Variants in BRCA1 observed in about 807,000 individuals in gnomAD.
The protein encoded by BRCA1 is BRCA1 DNA repair associated.
Under a neutral mutation model 173.7 loss-of-function variants are expected in BRCA1, and 140 were observed. The observed-to-expected ratio is 0.81, with a 90% confidence interval of 0.70 to 0.93. BRCA1 has a LOEUF of 0.93. Ranked by LOEUF, BRCA1 falls within the 40% of genes least tolerant of loss-of-function variation. The pLI is 0.00. For missense variants in BRCA1, 1,983 were observed against 2,172.5 expected, an observed-to-expected ratio of 0.91 and a Z score of 1.73; for synonymous variants, 662 against 756.0, an observed-to-expected ratio of 0.88 and a Z score of 2.04.
intron 1 of BRCA1, chr17:43,148,343 T>G (rs937532157): frequency 4.5e-5 from 7 of 156,454 alleles, no homozygotes; most frequent in Non-Finnish European, 7.0e-5. Context: ...TGCGCATCCA[T>G]GTGAAGAGAC....
chr17:43,070,094 C>T (rs1053892896), intron 15 of BRCA1, among the ~76,000 whole-genome samples: 13 of 151,932 alleles, frequency 8.6e-5, no homozygotes, highest in African/African-American at 1.2e-4. Flanking sequence ...CCACCACGCC[C>T]GGCTAATTGT....
chr17:43,121,374 CA>C (rs1051528155), intron 2 of BRCA1, among the ~76,000 whole-genome samples: 1 of 149,754 alleles, frequency 6.7e-6, no homozygotes, highest in Non-Finnish European at 1.5e-5. Flanking sequence ...GACCGTGTCT[CA>C]AAAAAACAAA....
At chr17:43,066,863 G>C (rs2052101129) in intron 16 of BRCA1, among the ~76,000 whole-genome samples, 1 of 146,222 alleles carries the variant, frequency 6.8e-6, no homozygotes, top group African/African-American at 2.6e-5. Flanking sequence ...TTGTCCCCAG[G>C]CTGGAGTGCA....
chr17:43,048,157 G>C (rs1203314510), intron 21 of BRCA1, among the ~76,000 whole-genome samples: 1 of 152,136 alleles, frequency 6.6e-6, no homozygotes, highest in African/African-American at 2.4e-5. Flanking sequence ...TGGCCTCCCA[G>C]TGTTGTGATT....
chr17:43,111,032 CA>C (rs1266382890), intron 3 of BRCA1, among the ~76,000 whole-genome samples: 1 of 147,702 alleles, frequency 6.8e-6, no homozygotes, highest in Non-Finnish European at 1.5e-5. Context: ...ACCAGAGAGG[CA>C]GAGGCTGCAG....
At chr17:43,164,537 A>G (rs1335913846) in intron 1 of BRCA1, 3 of 152,252 alleles carry the variant, frequency 2.0e-5, no homozygotes, top group Non-Finnish European at 4.4e-5. Context: ...CAGCAATAGC[A>G]CGAGGAAAGA....
In BRCA1 at chr17:43,045,043, A is replaced by G. The variant is rs1382051647; in HGVS notation, c.*635T>C. On this transcript the variant is annotated 3_prime_UTR_variant, in exon 23 of 23. Coordinates refer to ENST00000357654, the MANE Select transcript of BRCA1 (RefSeq NM_007294.4). Reference sequence around the variant, plus strand: ...GGTTTCGAACTCCTGACCTCCAGTGATCTGCCCACCTTGGCCTCCCAAAGT... The same window carrying G: ...GGTTTCGAACTCCTGACCTCCAGTGGTCTGCCCACCTTGGCCTCCCAAAGT... 3 of 510,508 alleles carry G rather than the reference A, an allele frequency of 5.9e-6. No homozygotes were observed. The highest frequency in any genetic ancestry group is 4.6e-5 in the South Asian group (3 of 64,946). 31.6% of individuals were successfully genotyped at this position (510,508 alleles called of 1,614,324 possible).
rs8176163 is a variant in BRCA1 at position 43,088,898 on chromosome 17, A to G, written c.4185+2046T>C. Among the ~76,000 whole-genome samples, 6,925 of 152,292 alleles carry G rather than the reference A, an allele frequency of 0.045. 214 individuals are homozygous for G. Among genetic ancestry groups the G allele is most frequent in the Non-Finnish European group, 0.065 (4,447 of 68,008 alleles). ...AGAACCCTGTGCTGGGAATACAAAG[A>G]ACCAACCTAATTATTAGAAGTTGTC... On this transcript the variant is annotated intron_variant, in intron 11 of 22. Coordinates refer to ENST00000357654, the MANE Select transcript of BRCA1 (RefSeq NM_007294.4).
chr17:43,086,544 G>A (rs1296706181), intron 11 of BRCA1, among the ~76,000 whole-genome samples: 2 of 152,094 alleles, frequency 1.3e-5, no homozygotes, highest in Non-Finnish European at 2.9e-5. Flanking sequence ...GACTTCAACG[G>A]TTTTGGGTAG....
Position 43,094,601 on chromosome 17 carries a change from CT to C in BRCA1, c.929del (p.Gln310ArgfsTer4), listed in dbSNP as rs80357844. On this transcript the variant is annotated frameshift_variant, in exon 10 of 23. Coordinates refer to ENST00000357654, the MANE Select transcript of BRCA1 (RefSeq NM_007294.4). LOFTEE classifies it high-confidence loss of function. ...EKAEFCNKSKQPGLARSQHNR... is the reference protein window; with the variant it reads ...EKAEFCNKSKXPGLARSQHNR... ...TATGTTGGCTCCTTGCTAAGCCAGG[CT>C]GTTTGCTTTTATTACAGAATTCAGC... The C allele has an allele frequency of 1.9e-6, 3 of 1,614,164 alleles. No homozygotes were observed. The highest frequency in any genetic ancestry group is 2.5e-6 in the Non-Finnish European group (3 of 1,180,022).
intron 1 of BRCA1, among the ~76,000 whole-genome samples, chr17:43,153,049 T>A (rs531800802): frequency 1.1e-4 from 16 of 151,620 alleles, no homozygotes; most frequent in South Asian, 2.1e-4. Context: ...ATAATAATAA[T>A]AAAAATAAAT....
At chr17:43,057,511 G>C (rs1164432359) in intron 18 of BRCA1, among the ~76,000 whole-genome samples, 1 of 136,002 alleles carries the variant, frequency 7.4e-6, no homozygotes, top group African/African-American at 2.8e-5. Flanking sequence ...ACTCCATCTC[G>C]CATCTCAAAA....
At chr17:43,144,607 A>C (rs1017091529) in intron 1 of BRCA1, 6 of 165,078 alleles carry the variant, frequency 3.6e-5, no homozygotes, top group African/African-American at 1.4e-4. Flanking sequence ...CGCCAGCTTC[A>C]GTCCTGCTTT....
chr17:43,105,725 G>A (rs1333443308), intron 4 of BRCA1, among the ~76,000 whole-genome samples: 1 of 152,136 alleles, frequency 6.6e-6, no homozygotes, highest in Non-Finnish European at 1.5e-5. Context: ...GCATCTGAGT[G>A]CCTACTATGT....
At chr17:43,119,421 T>C (rs953870025) in intron 2 of BRCA1, among the ~76,000 whole-genome samples, 1 of 152,176 alleles carries the variant, frequency 6.6e-6, no homozygotes, top group Non-Finnish European at 1.5e-5. Flanking sequence ...GTCAGGAGGC[T>C]GGGTTTCTAC....
At chr17:43,129,072 G>A (rs540215968), upstream of BRCA1, among the ~76,000 whole-genome samples, 6 of 152,242 alleles carry the variant, frequency 3.9e-5, no homozygotes, top group Middle Eastern at 3.4e-3. Context: ...AAAAAAAATC[G>A]ATGTGGAGGA....
Position 43,093,215 on chromosome 17 carries a change from T to G in BRCA1, c.2316A>C (p.Val772=), listed in dbSNP as rs876658590. The G allele has an allele frequency of 6.2e-7, 1 of 1,614,028 alleles. No individual in the cohort carries two copies. Among genetic ancestry groups the G allele is most frequent in the Non-Finnish European group, 8.5e-7 (1 of 1,179,956 alleles). The change falls in exon 10 of 23, where the codon GTA becomes GTC. Residue 772 remains valine (V), a synonymous_variant. Coordinates refer to ENST00000357654, the MANE Select transcript of BRCA1 (RefSeq NM_007294.4). ...RSVESSSISL[V]PGTDYGTQES... Reference sequence around the variant, plus strand: ...CCTGAGTGCCATAATCAGTACCAGGTACCAATGAAATACTGCTACTCTCTA... The same window carrying G: ...CCTGAGTGCCATAATCAGTACCAGGGACCAATGAAATACTGCTACTCTCTA...
chr17:43,099,294 G>C (rs1371124154), intron 7 of BRCA1, among the ~76,000 whole-genome samples: 3 of 148,890 alleles, frequency 2.0e-5, no homozygotes, highest in Non-Finnish European at 3.0e-5. Context: ...TTTTTAGATG[G>C]AGTTTCGCTA....
intron 6 of BRCA1, among the ~76,000 whole-genome samples, chr17:43,101,791 TA>T (rs1311811916): frequency 6.6e-6 from 1 of 151,850 alleles, no homozygotes; most frequent in African/African-American, 2.4e-5. Flanking sequence ...TGCAAGCTAC[TA>T]CGCCCAGCCC....
Sources: gnomAD v4.1 joint callset for allele counts (sites outside exome capture counted in the v4.1 genomes callset) on GRCh38, gnomAD v4.1.1 for gene constraint, MANE v1.5 for transcripts, NCBI Gene and HGNC (gene_info 2026-07-23, HGNC 2026-07-21) for gene names.